The following AGBL4 variants were observed in gnomAD, a reference collection of about 807,000 sequenced individuals.
The protein encoded by AGBL4 is AGBL carboxypeptidase 4, also known as cytosolic carboxypeptidase 6.
AGBL4 carries 58 observed loss-of-function variants against 66.4 expected under a neutral mutation model. The ratio of observed to expected loss-of-function variants is 0.87; its 90% confidence interval spans 0.71 to 1.09. The LOEUF (loss-of-function observed/expected upper bound fraction) is 1.09, where lower values mean the gene tolerates loss of function less well. Among genes scored for constraint, AGBL4 ranks in the 50% least tolerant of loss-of-function variants. The pLI is 0.00. For missense variants in AGBL4, 579 were observed against 631.0 expected, an observed-to-expected ratio of 0.92 and a Z score of 0.88; for synonymous variants, 234 against 222.9, an observed-to-expected ratio of 1.05 and a Z score of -0.44.
rs553506972 is a variant in AGBL4 at position 49,014,715 on chromosome 1, A to G, written c.594+30869T>C. Among the ~76,000 whole-genome samples, 4 of 152,140 alleles carry G rather than the reference A, an allele frequency of 2.6e-5. No homozygotes were observed. The East Asian group carries it at 7.7e-4, about 29-fold the overall frequency. Reference sequence around the variant, plus strand: ...GCTTTGCTAGCCCACATGCAGTCCCACCCTACAGGGAACCTCCTTCATTGC... The same window carrying G: ...GCTTTGCTAGCCCACATGCAGTCCCGCCCTACAGGGAACCTCCTTCATTGC... On this transcript the variant is annotated intron_variant, in intron 5 of 13. Coordinates refer to ENST00000371839, the MANE Select transcript of AGBL4 (RefSeq NM_032785.4).
Position 49,130,346 on chromosome 1 carries a change from G to A in AGBL4, c.378-84546C>T, listed in dbSNP as rs573181827. Among the ~76,000 whole-genome samples, 620 of 152,066 alleles carry A rather than the reference G, an allele frequency of 4.1e-3. 1 individual carries two copies. Among genetic ancestry groups the A allele is most frequent in the African/African-American group, 0.014 (562 of 41,488 alleles). ...GATCCCATTTGTCAATTTTGGCTTC[G>A]GTTGCCATTGCTTTTGGTGTTTTAG... On this transcript the variant is annotated intron_variant, in intron 4 of 13. Transcript: ENST00000371839.
intron 2 of AGBL4, among the ~76,000 whole-genome samples, chr1:49,786,754 A>T (rs1413127078): frequency 1.3e-5 from 2 of 152,254 alleles, no homozygotes. Flanking sequence ...GCTTTAGTTT[A>T]TCTCCCTTTT....
intron 3 of AGBL4, among the ~76,000 whole-genome samples, chr1:49,461,674 G>C (rs907607870): frequency 2.3e-5 from 3 of 130,848 alleles, no homozygotes; most frequent in African/African-American, 8.8e-5. Context: ...CTGTGTCCAT[G>C]TGTTCTCATT....
chr1:49,277,311 T>C (rs1409175482), intron 3 of AGBL4, among the ~76,000 whole-genome samples: 2 of 152,204 alleles, frequency 1.3e-5, no homozygotes, highest in Non-Finnish European at 2.9e-5. Flanking sequence ...TTCCCACTTT[T>C]GTTAATGAGG....
At position 49,291,668 on chromosome 1, in the gene AGBL4, T is replaced by C. The variant is rs1570358853; in HGVS notation, c.283-45804A>G. ...AATTGGAAGAAGAAACCAGGGAGTC[T>C]TCTGCATAACCAGCAATATTCTATA... On this transcript the variant is annotated intron_variant, in intron 3 of 13. Transcript: ENST00000371839. Among the ~76,000 whole-genome samples, 8 of 152,362 alleles carry C rather than the reference T, an allele frequency of 5.3e-5. No individual in the cohort carries two copies. In the South Asian group the frequency reaches 1.7e-3, roughly 32 times the overall value.
chr1:49,286,664 A>G (rs1644417157), intron 3 of AGBL4, among the ~76,000 whole-genome samples: 1 of 151,904 alleles, frequency 6.6e-6, no homozygotes, highest in Admixed American at 6.6e-5. Flanking sequence ...AGGGATGTGA[A>G]GGACCTCTTC....
intron 3 of AGBL4, among the ~76,000 whole-genome samples, chr1:49,368,631 G>A (rs899107348): frequency 8.5e-5 from 13 of 152,114 alleles, no homozygotes; most frequent in Non-Finnish European, 1.8e-4. Flanking sequence ...ACAGCTCCAG[G>A]AGAAGCCCTG....
intron 4 of AGBL4, among the ~76,000 whole-genome samples, chr1:49,157,245 C>A (rs544697103): frequency 4.0e-5 from 6 of 151,820 alleles, no homozygotes; most frequent in Admixed American, 2.0e-4. Context: ...GTCCCCCACC[C>A]CCCAGAAGGC....
intron 5 of AGBL4, among the ~76,000 whole-genome samples, chr1:48,940,327 G>A (rs1426850694): frequency 6.6e-6 from 1 of 152,054 alleles, no homozygotes; most frequent in East Asian, 1.9e-4. Context: ...GCAGTGAGCC[G>A]AGATCATGCC....
chr1:48,766,857 G>C (rs772108004), intron 6 of AGBL4, among the ~76,000 whole-genome samples: 2 of 152,172 alleles, frequency 1.3e-5, no homozygotes, highest in Non-Finnish European at 2.9e-5. Flanking sequence ...AACATTTACT[G>C]TTCCTGTTTT....
At chr1:49,638,103 C>G (rs1433495564) in intron 3 of AGBL4, among the ~76,000 whole-genome samples, 1 of 152,120 alleles carries the variant, frequency 6.6e-6, no homozygotes, top group East Asian at 1.9e-4. Context: ...CCAAAAATCA[C>G]TTTAAAAAGC....
intron 6 of AGBL4, among the ~76,000 whole-genome samples, chr1:48,687,059 CAG>C (rs1157565703): frequency 9.9e-6 from 1 of 101,052 alleles, no homozygotes; most frequent in Non-Finnish European, 2.0e-5. Flanking sequence ...CACAGAGGGG[CAG>C]GGGGTGGGGC....
At chr1:48,937,784 T>G (rs1011206359) in intron 5 of AGBL4, among the ~76,000 whole-genome samples, 30 of 152,188 alleles carry the variant, frequency 2.0e-4, no homozygotes, top group Non-Finnish European at 3.1e-4. Context: ...CTATAAAATT[T>G]TAACCATGTC....
intron 8 of AGBL4, among the ~76,000 whole-genome samples, chr1:48,649,027 G>A (rs60824612): frequency 0.072 from 11,020 of 152,232 alleles, 1,114 homozygotes; most frequent in African/African-American, 0.23. Flanking sequence ...CTGGAAACAT[G>A]TATGTGAACT....
intron 4 of AGBL4, among the ~76,000 whole-genome samples, chr1:49,236,321 C>T (rs907892225): frequency 2.0e-5 from 3 of 152,144 alleles, no homozygotes; most frequent in African/African-American, 4.8e-5. Context: ...AGCCACCACA[C>T]CCAGCTCATT....
intron 3 of AGBL4, among the ~76,000 whole-genome samples, chr1:49,451,838 C>T (rs1431470859): frequency 6.6e-6 from 1 of 151,932 alleles, no homozygotes; most frequent in East Asian, 1.9e-4. Flanking sequence ...AAAATTACCT[C>T]ACCCATTGGG....
intron 1 of AGBL4, among the ~76,000 whole-genome samples, chr1:49,878,550 T>C (rs909588104): frequency 2.0e-5 from 3 of 152,278 alleles, no homozygotes; most frequent in East Asian, 1.9e-4. Context: ...TCTGTTCTTT[T>C]ACATTTGCTG....
At chr1:48,829,148 T>C (rs1646494545) in intron 6 of AGBL4, among the ~76,000 whole-genome samples, 1 of 152,220 alleles carries the variant, frequency 6.6e-6, no homozygotes, top group Admixed American at 6.5e-5. Flanking sequence ...GCACTTGCCA[T>C]ATGCCAGGCA....
intron 1 of AGBL4, among the ~76,000 whole-genome samples, chr1:49,854,209 T>G (rs1397127803): frequency 6.7e-6 from 1 of 150,080 alleles, no homozygotes; most frequent in Non-Finnish European, 1.5e-5. Context: ...AAGGGGCAAG[T>G]GTCAGGCCCC....
Sources: allele counts gnomAD v4.1 joint callset (sites outside exome capture counted in the v4.1 genomes callset), GRCh38; gene constraint gnomAD v4.1.1; transcripts MANE v1.5; gene names NCBI Gene and HGNC (gene_info 2026-07-23, HGNC 2026-07-21).